The following FOXP1 variants were observed in gnomAD, a reference collection of about 807,000 sequenced individuals.
The protein encoded by FOXP1 is forkhead box protein P1.
A neutral mutation model predicts 98.2 loss-of-function variants in FOXP1; 15 were observed. The observed-to-expected ratio is 0.15, with a 90% CI of 0.10 to 0.24. The LOEUF (loss-of-function observed/expected upper bound fraction) is 0.24. Among genes scored for constraint, FOXP1 ranks in the 10% least tolerant of loss-of-function variants. The pLI, the probability that FOXP1 is intolerant of heterozygous loss-of-function variation, is 1.00. For synonymous variants in FOXP1, 371 were observed against 314.5 expected (o/e 1.18, Z -1.90); for missense variants, 633 against 848.5 (o/e 0.75, Z 3.15).
chr3:71,394,542 T>G (rs970858544), intron 3 of FOXP1, among the ~76,000 whole-genome samples: 6 of 152,212 alleles, frequency 3.9e-5, no homozygotes, highest in African/African-American at 1.4e-4. Flanking sequence ...GATGCATTTT[T>G]ATAGTTTTAA....
intron 14 of FOXP1, among the ~76,000 whole-genome samples, chr3:70,978,760 T>A (rs1358103801): frequency 6.6e-6 from 1 of 152,170 alleles, no homozygotes; most frequent in Non-Finnish European, 1.5e-5. Context: ...TGGCAGAAAA[T>A]AATCCTTAAC....
intron 3 of FOXP1, among the ~76,000 whole-genome samples, chr3:71,451,981 G>T (rs1577589365): frequency 6.6e-6 from 1 of 152,274 alleles, no homozygotes; most frequent in African/African-American, 2.4e-5. Context: ...AGTGTTTCAA[G>T]AAAAAGAAAC....
chr3:71,066,843 T>C (rs1238291299), intron 7 of FOXP1, among the ~76,000 whole-genome samples: 1 of 152,208 alleles, frequency 6.6e-6, no homozygotes, highest in East Asian at 1.9e-4. Context: ...CAGGTCAGTG[T>C]TTATCAGCTA....
chr3:71,117,392 T>A (rs1289029086), intron 6 of FOXP1, among the ~76,000 whole-genome samples: 1 of 152,230 alleles, frequency 6.6e-6, no homozygotes, highest in African/African-American at 2.4e-5. Flanking sequence ...AGGCCAGATA[T>A]TATTCCAATA....
At chr3:71,227,013 T>C (rs571077013) in intron 5 of FOXP1, among the ~76,000 whole-genome samples, 73 of 152,108 alleles carry the variant, frequency 4.8e-4, no homozygotes, top group Non-Finnish European at 9.3e-4. Context: ...ATTTTGGTCT[T>C]CGTGGTAATG....
At position 70,955,943 on chromosome 3, in the gene FOXP1, A is replaced by AG. The variant is rs886058832; in HGVS notation, c.*3303dup. The AG allele has an allele frequency of 2.1e-5, 5 of 233,300 alleles. No homozygotes were observed. Among genetic ancestry groups the AG allele is most frequent in the Middle Eastern group, 1.3e-3 (1 of 786 alleles). The allele number at this position is 233,300 out of a possible 1,614,324, so 14.5% of individuals were successfully genotyped here. A position where few individuals can be genotyped will look rare whatever the true frequency, so the allele number is the denominator to read the frequency against. On this transcript the variant is annotated 3_prime_UTR_variant, in exon 21 of 21. Coordinates refer to ENST00000649528, the MANE Select transcript of FOXP1 (RefSeq NM_001349338.3). The stretch of plus-strand genomic sequence containing the variant: ...AGTTTAAAAGCAGAAAAAAAAAGTT[A>AG]GGGAGTTTCTCCCTCCCACATGTCA...
chr3:71,132,990 A>AG (rs1361879454), intron 6 of FOXP1, among the ~76,000 whole-genome samples: 1 of 151,832 alleles, frequency 6.6e-6, no homozygotes, highest in African/African-American at 2.4e-5. Flanking sequence ...ATAAAAAAAA[A>AG]AAAGCAAGCA....
intron 5 of FOXP1, among the ~76,000 whole-genome samples, chr3:71,236,000 G>A (rs927250089): frequency 1.1e-4 from 17 of 152,204 alleles, no homozygotes; most frequent in Non-Finnish European, 2.2e-4. Context: ...CCCAGTAAGA[G>A]CCTGTGGCTC....
chr3:70,978,970 G>C (rs1575816340), intron 14 of FOXP1, among the ~76,000 whole-genome samples: 1 of 152,048 alleles, frequency 6.6e-6, no homozygotes, highest in Admixed American at 6.6e-5. Flanking sequence ...ATTTGAAGTA[G>C]AAGAGAATAA....
chr3:71,098,190 T>G (rs530070043), intron 7 of FOXP1, among the ~76,000 whole-genome samples: 18 of 152,336 alleles, frequency 1.2e-4, no homozygotes, highest in African/African-American at 4.1e-4. Flanking sequence ...CCTTTCAAAA[T>G]GAGAGATTTA....
At chr3:71,457,651 T>C (rs1405118222) in intron 3 of FOXP1, among the ~76,000 whole-genome samples, 2 of 152,212 alleles carry the variant, frequency 1.3e-5, no homozygotes, top group African/African-American at 2.4e-5. Flanking sequence ...TTTAGTATAC[T>C]ATGTCTCACA....
At chr3:71,165,222 T>C (rs540298908) in intron 6 of FOXP1, among the ~76,000 whole-genome samples, 127 of 146,058 alleles carry the variant, frequency 8.7e-4, no homozygotes, top group Non-Finnish European at 1.5e-3. Flanking sequence ...GAATAGCTTT[T>C]ACCAAATTGA....
chr3:71,084,220 C>T (rs1478153400), intron 7 of FOXP1, among the ~76,000 whole-genome samples: 1 of 152,124 alleles, frequency 6.6e-6, no homozygotes, highest in Non-Finnish European at 1.5e-5. Context: ...ATTCACCAAG[C>T]CCTGGGAATT....
chr3:71,019,088 G>C (rs1405896224), intron 11 of FOXP1, among the ~76,000 whole-genome samples: 1 of 152,066 alleles, frequency 6.6e-6, no homozygotes, highest in Admixed American at 6.5e-5. Flanking sequence ...GAGCTTTTCT[G>C]TTTTCTCAAA....
intron 9 of FOXP1, among the ~76,000 whole-genome samples, chr3:71,048,133 T>C (rs1016724382): frequency 1.3e-5 from 2 of 151,000 alleles, no homozygotes; most frequent in Admixed American, 6.6e-5. Context: ...CTTCCCAAAC[T>C]GTAGCAAAAA....
At chr3:71,241,446 T>A (rs912749404) in intron 5 of FOXP1, among the ~76,000 whole-genome samples, 2 of 152,078 alleles carry the variant, frequency 1.3e-5, no homozygotes, top group African/African-American at 4.8e-5. Context: ...TCATATCCCA[T>A]GGAAAGGACA....
intron 14 of FOXP1, among the ~76,000 whole-genome samples, chr3:70,981,769 C>T (rs898591877): frequency 6.6e-6 from 1 of 152,152 alleles, no homozygotes; most frequent in African/African-American, 2.4e-5. Flanking sequence ...TCTGCCCTTG[C>T]TATTAATTTG....
At chr3:71,403,451 A>G (rs2082080237) in intron 3 of FOXP1, among the ~76,000 whole-genome samples, 1 of 152,260 alleles carries the variant, frequency 6.6e-6, no homozygotes, top group Non-Finnish European at 1.5e-5. Context: ...TTGGACTGGG[A>G]TTAAAGGAGG....
intron 6 of FOXP1, among the ~76,000 whole-genome samples, chr3:71,162,718 GA>G (rs1023863433): frequency 4.6e-5 from 7 of 152,238 alleles, no homozygotes; most frequent in Non-Finnish European, 7.4e-5. Context: ...TGTGGAAAAA[GA>G]ACCCAAAAAG....
Sources: allele counts gnomAD v4.1 joint callset (sites outside exome capture counted in the v4.1 genomes callset), GRCh38; gene constraint gnomAD v4.1.1; transcripts MANE v1.5; gene names NCBI Gene and HGNC (gene_info 2026-07-23, HGNC 2026-07-21).